The following KCNH7 variants were observed in gnomAD, a reference collection of about 807,000 sequenced individuals.
KCNH7 encodes potassium voltage-gated channel subfamily H member 7.
A neutral mutation model predicts 120.8 loss-of-function variants in KCNH7; 49 were observed. That is an observed-to-expected ratio of 0.41 (90% CI 0.32 to 0.51). The LOEUF (loss-of-function observed/expected upper bound fraction) is 0.51, where lower values mean the gene tolerates loss of function less well. Ranked by LOEUF, KCNH7 falls within the 20% of genes least tolerant of loss-of-function variation. The probability of loss-of-function intolerance (pLI) is 0.38; values close to 1 mark genes in which losing one functional copy is unlikely to be tolerated. For synonymous variants in KCNH7, 547 were observed against 516.1 expected, an observed-to-expected ratio of 1.06 and a Z score of -0.81; for missense variants, 1,097 against 1,446.6, an observed-to-expected ratio of 0.76 and a Z score of 3.92.
chr2:162,805,708 T>C lies in KCNH7; in HGVS notation c.307+30829A>G, dbSNP rs1044119094. ...CAAAGATCTAAAAGTAGATTTACCA[T>C]TCAATCCAGCAATTCCACTACTGGA... is the stretch of plus-strand genomic sequence containing the variant. On this transcript the variant is annotated intron_variant, in intron 2 of 15. Coordinates refer to ENST00000332142, the MANE Select transcript of KCNH7 (RefSeq NM_033272.4). Among the ~76,000 whole-genome samples the C allele has an allele frequency of 2.0e-5, 3 of 152,282 alleles. No individual in the cohort carries two copies. The East Asian group carries it at 5.8e-4, about 29-fold the overall frequency.
intron 7 of KCNH7, among the ~76,000 whole-genome samples, chr2:162,437,928 C>T (rs1375463664): frequency 6.6e-6 from 1 of 152,136 alleles, no homozygotes; most frequent in African/African-American, 2.4e-5. Context: ...ACTGACTGCT[C>T]AGACTCTGGT....
At chr2:162,749,626 A>G (rs1213455351) in intron 2 of KCNH7, among the ~76,000 whole-genome samples, 1 of 152,176 alleles carries the variant, frequency 6.6e-6, no homozygotes, top group African/African-American at 2.4e-5. Flanking sequence ...AATTATGTTA[A>G]GTAGCTGACG....
At chr2:162,405,840 A>G (rs911618889) in intron 9 of KCNH7, among the ~76,000 whole-genome samples, 1 of 151,994 alleles carries the variant, frequency 6.6e-6, no homozygotes, top group African/African-American at 2.4e-5. Flanking sequence ...AGTTTAGCTC[A>G]GGCCTGTGAC....
chr2:162,607,854 C>G (rs182216773), intron 2 of KCNH7, among the ~76,000 whole-genome samples: 128 of 151,520 alleles, frequency 8.4e-4, no homozygotes, highest in African/African-American at 2.9e-3. Context: ...TAGATTTTAC[C>G]AAAATAAGTT....
At chr2:162,786,847 C>T (rs527270308) in intron 2 of KCNH7, among the ~76,000 whole-genome samples, 18 of 152,224 alleles carry the variant, frequency 1.2e-4, no homozygotes, top group Middle Eastern at 3.4e-3. Context: ...AACAACCATC[C>T]GCACCAGAAA....
intron 2 of KCNH7, among the ~76,000 whole-genome samples, chr2:162,771,006 A>G (rs573760507): frequency 6.6e-6 from 1 of 152,246 alleles, no homozygotes; most frequent in African/African-American, 2.4e-5. Context: ...GTTATGTTTT[A>G]TGCCTCTACA....
chr2:162,438,781 T>G (rs971940368), intron 7 of KCNH7, among the ~76,000 whole-genome samples: 4 of 152,166 alleles, frequency 2.6e-5, no homozygotes, highest in African/African-American at 9.7e-5. Flanking sequence ...GTATAACACA[T>G]CTTGTAGATG....
chr2:162,578,776 C>A (rs1693770243), intron 2 of KCNH7, among the ~76,000 whole-genome samples: 1 of 151,920 alleles, frequency 6.6e-6, no homozygotes, highest in African/African-American at 2.4e-5. Context: ...GAAGTGGGAC[C>A]TATTTCCCTT....
intron 2 of KCNH7, among the ~76,000 whole-genome samples, chr2:162,554,398 A>C (rs369151244): frequency 5.9e-5 from 9 of 152,180 alleles, no homozygotes; most frequent in African/African-American, 1.9e-4. Flanking sequence ...AATTTGCCCC[A>C]AAAAATGTTG....
intron 2 of KCNH7, among the ~76,000 whole-genome samples, chr2:162,677,220 C>T (rs193244650): frequency 6.6e-6 from 1 of 151,396 alleles, no homozygotes; most frequent in East Asian, 1.9e-4. Context: ...GCCATTAATT[C>T]GTTCATTGAT....
chr2:162,487,822 T>G (rs184258604), intron 6 of KCNH7, among the ~76,000 whole-genome samples: 1 of 152,206 alleles, frequency 6.6e-6, no homozygotes, highest in Non-Finnish European at 1.5e-5. Context: ...AAGTTGGAAT[T>G]CACTTCCTAA....
chr2:162,642,547 G>A (rs1684198753), intron 2 of KCNH7, among the ~76,000 whole-genome samples: 3 of 152,192 alleles, frequency 2.0e-5, no homozygotes, highest in Admixed American at 2.0e-4. Context: ...AAAAGGCATA[G>A]CATACATTGT....
At chr2:162,434,066 C>T (rs141189557) in intron 8 of KCNH7, among the ~76,000 whole-genome samples, 150 of 152,114 alleles carry the variant, frequency 9.9e-4, no homozygotes, top group Non-Finnish European at 1.6e-3. Flanking sequence ...GAAAAAAAAG[C>T]ATGTCCTTTG....
chr2:162,835,105 A>G (rs764529107), intron 2 of KCNH7, among the ~76,000 whole-genome samples: 1 of 152,146 alleles, frequency 6.6e-6, no homozygotes, highest in South Asian at 2.1e-4. Context: ...AGACAACAGA[A>G]CAATTAGGCT....
chr2:162,520,695 T>C (rs974346644), intron 3 of KCNH7, among the ~76,000 whole-genome samples: 11 of 151,784 alleles, frequency 7.2e-5, no homozygotes, highest in African/African-American at 1.7e-4. Context: ...ATTGAGCCTA[T>C]GAGTTTGAGG....
chr2:162,557,435 A>G (rs955761176), intron 2 of KCNH7, among the ~76,000 whole-genome samples: 9 of 152,182 alleles, frequency 5.9e-5, no homozygotes, highest in African/African-American at 1.7e-4. Flanking sequence ...CTATTGGTCA[A>G]TGAGTCCACA....
chr2:162,756,570 T>G lies in KCNH7; in HGVS notation c.307+79967A>C, dbSNP rs557976891. Among the ~76,000 whole-genome samples the G allele has an allele frequency of 3.9e-5, 6 of 152,300 alleles. No homozygotes were observed. The South Asian group carries it at 1.2e-3, about 32-fold the overall frequency. On this transcript the variant is annotated intron_variant, in intron 2 of 15. Transcript: ENST00000332142. ...GCCTTGAACTCTCAGGCTCAGGGGATCCTTCCACCTCAGCTTCCTGAATAG... is the reference window on the plus strand; with the variant it reads ...GCCTTGAACTCTCAGGCTCAGGGGAGCCTTCCACCTCAGCTTCCTGAATAG...
At position 162,734,687 on chromosome 2, in the gene KCNH7, T is replaced by C. The variant is rs186688394; in HGVS notation, c.307+101850A>G. Among the ~76,000 whole-genome samples the C allele has an allele frequency of 6.9e-4, 103 of 148,408 alleles. 1 individual carries two copies. The highest frequency in any genetic ancestry group is 2.4e-3 in the African/African-American group (96 of 39,508). ...CTTTTCAAACTCATGGCATAAATCA[T>C]TGGAGAGCATTTTTTTTTTTAATTT... On this transcript the variant is annotated intron_variant, in intron 2 of 15. Coordinates refer to ENST00000332142, the MANE Select transcript of KCNH7 (RefSeq NM_033272.4).
intron 6 of KCNH7, among the ~76,000 whole-genome samples, chr2:162,448,975 T>G (rs1398197731): frequency 1.3e-5 from 2 of 151,892 alleles, no homozygotes; most frequent in Non-Finnish European, 2.9e-5. Flanking sequence ...GCAGTTGAAC[T>G]GAGACTGAAT....
Sources: gnomAD v4.1 joint callset for allele counts (sites outside exome capture counted in the v4.1 genomes callset) on GRCh38, gnomAD v4.1.1 for gene constraint, MANE v1.5 for transcripts, NCBI Gene and HGNC (gene_info 2026-07-23, HGNC 2026-07-21) for gene names.